The following PPIG variants were observed in gnomAD, a reference collection of about 807,000 sequenced individuals.
The protein encoded by PPIG is peptidyl-prolyl cis-trans isomerase G.
In PPIG, 26 loss-of-function variants were observed where a neutral mutation model predicts 87.9. That is an observed-to-expected ratio of 0.30 (90% CI 0.22 to 0.41). The LOEUF (loss-of-function observed/expected upper bound fraction) is 0.41, where lower values mean the gene tolerates loss of function less well. Ranked by LOEUF, PPIG falls within the 10% of genes least tolerant of loss-of-function variation. The probability of loss-of-function intolerance (pLI) is 1.00; values close to 1 mark genes in which losing one functional copy is unlikely to be tolerated. For synonymous variants in PPIG, 308 were observed against 276.5 expected (o/e 1.11, Z -1.13); for missense variants, 722 against 879.4 (o/e 0.82, Z 2.26).
intron 1 of PPIG, 114 bp downstream of exon 1, chr2:169,584,604 G>T: frequency 2.3e-6 from 1 of 436,774 alleles, no homozygotes; most frequent in South Asian, 1.6e-5. Flanking sequence ...ACCGGGTTGG[G>T]TTTACCGTCT....
rs142351336 is a variant in PPIG at position 169,628,731 on chromosome 2, G to A, written c.548-2043G>A. 3.6e-3 allele frequency among the ~76,000 whole-genome samples: 548 copies of A among 152,124 alleles called. 5 individuals are homozygous for A. The highest frequency in any genetic ancestry group is 0.012 in the African/African-American group (487 of 41,500). ...GAGACAGGAAGATCCCTTGAGCCCA[G>A]GAGTTCGAGACTAGCCTAGGCAACA... On this transcript the variant is annotated intron_variant, in intron 9 of 13. Transcript: ENST00000260970.
chr2:169,586,503 A>G (rs188799934), intron 1 of PPIG, among the ~76,000 whole-genome samples: 4 of 152,168 alleles, frequency 2.6e-5, no homozygotes, highest in Non-Finnish European at 5.9e-5. Flanking sequence ...TGGTTCCTTT[A>G]TGGGTGAAGA....
At chr2:169,630,721 C>T in intron 9 of PPIG, 53 bp from the exon 10 acceptor site, 17 of 1,446,536 alleles carry the variant, frequency 1.2e-5, no homozygotes, top group Non-Finnish European at 1.6e-5. Context: ...AAATCTCCTT[C>T]CACAAAGTTT....
intron 1 of PPIG, among the ~76,000 whole-genome samples, chr2:169,594,625 C>CTTTTTTTTTTTTTT (rs61375406): frequency 1.7e-5 from 2 of 114,634 alleles, no homozygotes; most frequent in Non-Finnish European, 3.5e-5. Context: ...TCTTTCTTTT[C>CTTTTTTTTTTTTTT]TTTTTTTTTT....
At chr2:169,605,060 G>A (rs959621242) in intron 4 of PPIG, among the ~76,000 whole-genome samples, 1 of 152,028 alleles carries the variant, frequency 6.6e-6, no homozygotes, top group African/African-American at 2.4e-5. Context: ...TCGGCCAGGC[G>A]TGGTGGCTCA....
intron 12 of PPIG, among the ~76,000 whole-genome samples, chr2:169,633,953 C>G (rs764434491): frequency 6.6e-6 from 1 of 151,790 alleles, no homozygotes; most frequent in African/African-American, 2.4e-5. Flanking sequence ...TCAGCTCCCC[C>G]TAGTAGCTGG....
chr2:169,610,479 A>AT (rs56049675), intron 7 of PPIG, among the ~76,000 whole-genome samples: 2,528 of 148,406 alleles, frequency 0.017, 41 homozygotes, highest in Middle Eastern at 0.042. Context: ...TAGTTTTGAT[A>AT]TTTTTTTTTT....
chr2:169,592,190 A>G (rs1684882899), intron 1 of PPIG, among the ~76,000 whole-genome samples: 1 of 150,230 alleles, frequency 6.7e-6, no homozygotes, highest in Non-Finnish European at 1.5e-5. Context: ...TTTCCCCTGA[A>G]TCATGTTTTT....
chr2:169,603,489 C>G (rs1198899883), intron 1 of PPIG, among the ~76,000 whole-genome samples, 153 bp from the exon 2 acceptor site: 5 of 10,612 alleles, frequency 4.7e-4, no homozygotes, highest in African/African-American at 1.5e-3. Context: ...ACCACATATA[C>G]TATTTAACAA....
At chr2:169,624,675 C>T (rs1287667152) in intron 9 of PPIG, among the ~76,000 whole-genome samples, 1 of 152,182 alleles carries the variant, frequency 6.6e-6, no homozygotes, top group Non-Finnish European at 1.5e-5. Flanking sequence ...GCAAGCTCCA[C>T]CTCCCTGGTT....
In PPIG at chr2:169,637,394, G is replaced by GA; in HGVS notation, c.2138dup (p.Ile714AspfsTer18). The GA allele has an allele frequency of 6.2e-7, 1 of 1,612,960 alleles. No individual in the cohort carries two copies. The stretch of plus-strand genomic sequence containing the variant: ...CCATGTTGAAAAATAAGGAGGATGA[G>GA]AAGATCAGATCCTCAGTGGAAAAAG... On this transcript the variant is annotated frameshift_variant, in exon 14 of 14. Transcript: ENST00000260970. LOFTEE classifies it high-confidence loss of function.
At chr2:169,588,770 G>A (rs1166782140) in intron 1 of PPIG, among the ~76,000 whole-genome samples, 2 of 152,054 alleles carry the variant, frequency 1.3e-5, no homozygotes, top group African/African-American at 2.4e-5. Context: ...AGACCAGCCT[G>A]AGGAACATGA....
chr2:169,620,695 C>A (rs550242663), intron 9 of PPIG, among the ~76,000 whole-genome samples: 1 of 152,066 alleles, frequency 6.6e-6, no homozygotes, highest in African/African-American at 2.4e-5. Flanking sequence ...TTAGACGAGA[C>A]CATTTGATGC....
At chr2:169,635,144 T>G (rs1162991396) in intron 12 of PPIG, among the ~76,000 whole-genome samples, 2 of 152,226 alleles carry the variant, frequency 1.3e-5, no homozygotes, top group Admixed American at 6.5e-5. Flanking sequence ...GATCCCACTT[T>G]GAGATTCACT....
chr2:169,609,040 C>T (rs192716410), intron 7 of PPIG, among the ~76,000 whole-genome samples: 67 of 146,534 alleles, frequency 4.6e-4, no homozygotes, highest in Non-Finnish European at 8.4e-4. Flanking sequence ...GCTGAGATTG[C>T]GCCACTGCAC....
At chr2:169,606,236 C>A in intron 5 of PPIG, 90 bp downstream of exon 5, 1 of 890,070 alleles carries the variant, frequency 1.1e-6, no homozygotes, top group Non-Finnish European at 1.8e-6. Flanking sequence ...GTCCAATATT[C>A]TTGTCACTCT....
At chr2:169,589,967 G>C (rs1003153738) in intron 1 of PPIG, among the ~76,000 whole-genome samples, 1 of 151,976 alleles carries the variant, frequency 6.6e-6, no homozygotes, top group South Asian at 2.1e-4. Context: ...AAATTAGCCG[G>C]GTGTGCTGGC....
chr2:169,604,883 AAAAG>A (rs1247329542), intron 4 of PPIG, among the ~76,000 whole-genome samples: 18 of 151,462 alleles, frequency 1.2e-4, no homozygotes, highest in East Asian at 2.0e-4. Context: ...TAAAAAAAAA[AAAAG>A]AAAGAAATAT....
intron 1 of PPIG, among the ~76,000 whole-genome samples, chr2:169,594,248 T>C (rs999819432): frequency 6.6e-6 from 1 of 151,424 alleles, no homozygotes; most frequent in African/African-American, 2.4e-5. Context: ...TGATCACTAG[T>C]AGTAGTATAA....
Sources: allele counts gnomAD v4.1 joint callset (sites outside exome capture counted in the v4.1 genomes callset), GRCh38; gene constraint gnomAD v4.1.1; transcripts MANE v1.5; gene names NCBI Gene and HGNC (gene_info 2026-07-23, HGNC 2026-07-21).